Variants in FNIP1 observed in about 807,000 individuals in gnomAD.
The protein encoded by FNIP1 is folliculin interacting protein 1, also known as folliculin-interacting protein 1.
FNIP1 carries 40 observed loss-of-function variants against 124.5 expected under a neutral mutation model. That is an observed-to-expected ratio of 0.32 (90% confidence interval 0.25 to 0.42). The LOEUF is 0.42. Ranked by LOEUF, FNIP1 falls within the 10% of genes least tolerant of loss-of-function variation. The pLI, the probability that FNIP1 is intolerant of heterozygous loss-of-function variation, is 1.00. For missense variants in FNIP1, 1,176 were observed against 1,403.7 expected (o/e 0.84, Z 2.59); for synonymous variants, 472 against 470.6 (o/e 1.00, Z -0.04).
intron 2 of FNIP1, among the ~76,000 whole-genome samples, chr5:131,738,894 G>A (rs1407806217): frequency 2.0e-5 from 3 of 148,462 alleles, no homozygotes; most frequent in Admixed American, 6.8e-5. Flanking sequence ...CTGGCTCATT[G>A]CAACCTCCAC....
chr5:131,652,697 C>A (rs1767076291), intron 15 of FNIP1, among the ~76,000 whole-genome samples: 1 of 152,132 alleles, frequency 6.6e-6, no homozygotes, highest in Non-Finnish European at 1.5e-5. Flanking sequence ...ACATGGTTCA[C>A]ATCTATATAA....
At chr5:131,682,526 C>G (rs1458516908) in intron 11 of FNIP1, among the ~76,000 whole-genome samples, 1 of 151,910 alleles carries the variant, frequency 6.6e-6, no homozygotes, top group Non-Finnish European at 1.5e-5. Context: ...CAAGACCAGC[C>G]TGGCCAACAT....
intron 2 of FNIP1, among the ~76,000 whole-genome samples, chr5:131,737,604 A>G (rs1391648471): frequency 6.6e-6 from 1 of 152,204 alleles, no homozygotes; most frequent in East Asian, 1.9e-4. Context: ...CAATTCACTT[A>G]AACATTGTCA....
At chr5:131,747,237 ATTC>A (rs1770713966) in intron 1 of FNIP1, among the ~76,000 whole-genome samples, 2 of 152,134 alleles carry the variant, frequency 1.3e-5, no homozygotes, top group African/African-American at 4.8e-5. Flanking sequence ...ACCAGGCACA[ATTC>A]TTCACTTCCT....
intron 2 of FNIP1, among the ~76,000 whole-genome samples, chr5:131,740,800 C>T (rs1770486917): frequency 6.6e-6 from 1 of 152,072 alleles, no homozygotes. Flanking sequence ...GAGGTTGGCA[C>T]AAGACATAAG....
At chr5:131,755,057 G>A (rs1770999238) in intron 1 of FNIP1, among the ~76,000 whole-genome samples, 1 of 152,176 alleles carries the variant, frequency 6.6e-6, no homozygotes, top group Admixed American at 6.5e-5. Context: ...TTTGGGATAA[G>A]GGTGTTGCCA....
chr5:131,678,968 C>T, intron 12 of FNIP1, 61 bp downstream of exon 12: 1 of 1,111,118 alleles, frequency 9.0e-7, no homozygotes, highest in South Asian at 1.5e-5. Context: ...ATGATTCTTC[C>T]ACATCTGTAA....
intron 1 of FNIP1, among the ~76,000 whole-genome samples, chr5:131,768,160 T>C (rs1167739147): frequency 6.6e-6 from 1 of 152,192 alleles, no homozygotes; most frequent in Non-Finnish European, 1.5e-5. Flanking sequence ...CAATTTAACA[T>C]GCATAAAATT....
intron 11 of FNIP1, among the ~76,000 whole-genome samples, chr5:131,683,090 C>T (rs915661777): frequency 3.3e-5 from 5 of 152,314 alleles, no homozygotes; most frequent in Admixed American, 1.3e-4. Flanking sequence ...TTACTAATCA[C>T]TTGATCTCAA....
chr5:131,704,042 C>A, intron 10 of FNIP1, 23 bp downstream of exon 10: 1 of 1,531,172 alleles, frequency 6.5e-7, no homozygotes, highest in Non-Finnish European at 8.9e-7. Flanking sequence ...AAGGAAAATA[C>A]ATAAATAAAT....
At chr5:131,688,499 G>C (rs1376680761) in intron 11 of FNIP1, among the ~76,000 whole-genome samples, 2 of 151,588 alleles carry the variant, frequency 1.3e-5, no homozygotes, top group African/African-American at 4.8e-5. Context: ...TCTGAACAAA[G>C]AAAGCATCAG....
intron 2 of FNIP1, among the ~76,000 whole-genome samples, chr5:131,742,513 T>TGG (rs1035120782): frequency 1.3e-5 from 2 of 152,198 alleles, no homozygotes; most frequent in African/African-American, 4.8e-5. Context: ...GAAAAGGCTT[T>TGG]GGTATATTAA....
At chr5:131,757,094 G>A (rs1264689603) in intron 1 of FNIP1, among the ~76,000 whole-genome samples, 1 of 152,170 alleles carries the variant, frequency 6.6e-6, no homozygotes. Flanking sequence ...GGCCAGAATG[G>A]AGCTGATAGG....
Position 131,642,567 on chromosome 5 carries a change from T to TA in FNIP1, c.*2117dup, listed in dbSNP as rs879195581. Reference sequence around the variant, plus strand: ...ATCCAAGTGCTATACAGAGCTACAATAAAAAAAAAAAAAAGTACAAGGCTG... The same window carrying TA: ...ATCCAAGTGCTATACAGAGCTACAATAAAAAAAAAAAAAAAGTACAAGGCTG... On this transcript the variant is annotated 3_prime_UTR_variant, in exon 18 of 18. Transcript: ENST00000510461. The TA allele has an allele frequency of 3.7e-3, 469 of 126,232 alleles. 1 individual carries two copies. The highest frequency in any genetic ancestry group is 7.9e-3 in the Middle Eastern group (2 of 254). The allele number at this position is 126,232 out of a possible 1,614,324, so 7.8% of individuals were successfully genotyped here. A position where few individuals can be genotyped will look rare whatever the true frequency, so the allele number is the denominator to read the frequency against.
chr5:131,677,521 A>G, intron 13 of FNIP1, 182 bp downstream of exon 13: 1 of 526,146 alleles, frequency 1.9e-6, no homozygotes, highest in Non-Finnish European at 3.3e-6. Flanking sequence ...TCTATAAGGA[A>G]TGATTTCAGG....
At chr5:131,691,582 T>A (rs1411060381) in intron 11 of FNIP1, among the ~76,000 whole-genome samples, 1 of 151,938 alleles carries the variant, frequency 6.6e-6, no homozygotes, top group Non-Finnish European at 1.5e-5. Context: ...TAAGCCTTTA[T>A]CAGGAAACCA....
At chr5:131,685,145 T>A (rs1478095535) in intron 11 of FNIP1, among the ~76,000 whole-genome samples, 2 of 152,126 alleles carry the variant, frequency 1.3e-5, no homozygotes, top group Admixed American at 6.5e-5. Flanking sequence ...GTAATCCCAG[T>A]ACTGTGGGTG....
intron 8 of FNIP1, among the ~76,000 whole-genome samples, chr5:131,707,904 AAAT>A (rs1183879504): frequency 3.3e-5 from 5 of 152,166 alleles, no homozygotes; most frequent in African/African-American, 1.2e-4. Context: ...ATCTTAAATA[AAAT>A]AATGAGAATT....
intron 11 of FNIP1, among the ~76,000 whole-genome samples, chr5:131,694,650 A>C (rs1247956849): frequency 6.6e-6 from 1 of 152,220 alleles, no homozygotes; most frequent in Non-Finnish European, 1.5e-5. Flanking sequence ...AAATTATTCT[A>C]TATGATACTA....
Sources: gnomAD v4.1 joint callset for allele counts (sites outside exome capture counted in the v4.1 genomes callset) on GRCh38, gnomAD v4.1.1 for gene constraint, MANE v1.5 for transcripts, NCBI Gene and HGNC (gene_info 2026-07-23, HGNC 2026-07-21) for gene names.